RFTN1: variants seen among roughly 807,000 people sequenced by gnomAD.
RFTN1 encodes raftlin.
RFTN1 carries 26 observed loss-of-function variants against 46.5 expected under a neutral mutation model. The ratio of observed to expected loss-of-function variants is 0.56; its 90% CI spans 0.41 to 0.78. The LOEUF is 0.78. RFTN1 is among the 30% of genes least tolerant of loss of function. The pLI is 0.00. For missense variants in RFTN1, 693 were observed against 718.7 expected (o/e 0.96, Z 0.41); for synonymous variants, 261 against 284.2 (o/e 0.92, Z 0.82).
At chr3:16,482,307 A>T (rs1331009662) in intron 2 of RFTN1, among the ~76,000 whole-genome samples, 1 of 152,234 alleles carries the variant, frequency 6.6e-6, no homozygotes, top group Non-Finnish European at 1.5e-5. Context: ...GAGCTAAAGT[A>T]TATCAAGCTG....
rs150464131 is a variant in RFTN1, at chr3:16,390,987, C to G, written c.442-12885G>C. Among the ~76,000 whole-genome samples, 15 of 152,292 alleles carry G rather than the reference C, an allele frequency of 9.8e-5. No homozygotes were observed. The East Asian group carries it at 2.9e-3, about 29-fold the overall frequency. On this transcript the variant is annotated intron_variant, in intron 4 of 9. Transcript: ENST00000334133. ...CTGTACCCCCCATGACAACCTTTTT[C>G]TCTCTGAAGAATCTTTCTTTCTAAC...
In RFTN1 at chr3:16,336,597, T is replaced by C. The variant is rs1024045403; in HGVS notation, c.1147-9721A>G. On this transcript the variant is annotated intron_variant, in intron 7 of 9. Transcript: ENST00000334133. The surrounding 1 kb of genome is among the most constrained non-coding windows in gnomAD (Gnocchi z 6.0). ...CTGATATGTAATCAGGACAACATAA[T>C]AGAGTCTGAGAGAGCAGTCTTCTCA... Among the ~76,000 whole-genome samples, 14 of 152,226 alleles carry C rather than the reference T, an allele frequency of 9.2e-5. No individual in the cohort carries two copies. The highest frequency in any genetic ancestry group is 2.0e-4 in the Admixed American group (3 of 15,284).
intron 4 of RFTN1, among the ~76,000 whole-genome samples, chr3:16,379,743 A>T (rs2073918966): frequency 6.6e-6 from 1 of 152,254 alleles, no homozygotes; most frequent in Admixed American, 6.5e-5. Flanking sequence ...CATCTATTCC[A>T]TTCTGAAAAT....
At chr3:16,505,063 C>G (rs2115580) in intron 1 of RFTN1, among the ~76,000 whole-genome samples, 1 of 151,948 alleles carries the variant, frequency 6.6e-6, no homozygotes. Context: ...AATCTGCCAT[C>G]GCAACAGCTA....
rs745552603 is a variant in RFTN1, at chr3:16,383,069, C to G, written c.442-4967G>C. On this transcript the variant is annotated intron_variant, in intron 4 of 9. Transcript: ENST00000334133. This position sits in a 1 kb window ranked among gnomAD's most constrained non-coding sequence, Gnocchi z 4.0. The stretch of plus-strand genomic sequence containing the variant: ...CATTCCCTTAGGCCTCAAAATCATA[C>G]CTTACAGAAGAGAAAACTGCTTAAG... Among the ~76,000 whole-genome samples, 1 of 152,178 alleles carries G rather than the reference C, an allele frequency of 6.6e-6. No homozygotes were observed. Among genetic ancestry groups the G allele is most frequent in the Non-Finnish European group, 1.5e-5 (1 of 68,034 alleles).
At chr3:16,368,906 A>G (rs1365274100) in intron 6 of RFTN1, among the ~76,000 whole-genome samples, 1 of 152,202 alleles carries the variant, frequency 6.6e-6, no homozygotes, top group African/African-American at 2.4e-5. Flanking sequence ...CTCCATCATC[A>G]TGGGCACTTC....
At position 16,338,494 on chromosome 3, in the gene RFTN1, G is replaced by A. The variant is rs549450905; in HGVS notation, c.1147-11618C>T. On this transcript the variant is annotated intron_variant, in intron 7 of 9. Transcript: ENST00000334133. The surrounding 1 kb of genome is among the most constrained non-coding windows in gnomAD (Gnocchi z 5.3). ...ACAGGGCTCCTGTCCTCTAGAAGCTGACATCTTAAACACACATTGAGTGCT... is the reference window on the plus strand; with the variant it reads ...ACAGGGCTCCTGTCCTCTAGAAGCTAACATCTTAAACACACATTGAGTGCT... Among the ~76,000 whole-genome samples the A allele has an allele frequency of 6.6e-6, 1 of 152,354 alleles. No homozygotes were observed. The highest frequency in any genetic ancestry group is 2.4e-5 in the African/African-American group (1 of 41,588).
At chr3:16,417,895 A>G (rs1202400561) in intron 3 of RFTN1, among the ~76,000 whole-genome samples, 1 of 152,146 alleles carries the variant, frequency 6.6e-6, no homozygotes, top group Non-Finnish European at 1.5e-5. Flanking sequence ...TTTTATAGAG[A>G]CAGGGTTTTG....
chr3:16,323,640 C>G (rs2069342997), intron 8 of RFTN1, among the ~76,000 whole-genome samples, 183 bp from the exon 9 acceptor site: 1 of 152,206 alleles, frequency 6.6e-6, no homozygotes, highest in Non-Finnish European at 1.5e-5. Context: ...GAGGGGCTAT[C>G]TCAGATGCCC....
At chr3:16,432,079 C>G (rs770524835) in intron 3 of RFTN1, among the ~76,000 whole-genome samples, 1 of 152,192 alleles carries the variant, frequency 6.6e-6, no homozygotes, top group Non-Finnish European at 1.5e-5. Flanking sequence ...TGATAATGAT[C>G]AAGCCTCACA....
rs766381809 is a variant in RFTN1, at chr3:16,317,020, GTCC to G, written c.1542_1544del (p.Glu514del). 3.8e-5 allele frequency: 61 copies of G among 1,613,452 alleles called. No homozygotes were observed. Among genetic ancestry groups the G allele is most frequent in the Non-Finnish European group, 4.7e-5 (56 of 1,179,896 alleles). On this transcript the variant is annotated inframe_deletion, in exon 10 of 10. Coordinates refer to ENST00000334133, the MANE Select transcript of RFTN1 (RefSeq NM_015150.2). This position sits in a 1 kb window ranked among gnomAD's most constrained non-coding sequence, Gnocchi z 4.3. ...CACCAGGGGACAGCTGTTCTCCCTT[GTCC>G]TCTTGGACAGGGCCCTTCATCTCCT...
Position 16,374,196 on chromosome 3 carries a change from G to A in RFTN1, c.826+3522C>T, listed in dbSNP as rs2073648813. Among the ~76,000 whole-genome samples, 2 of 152,290 alleles carry A rather than the reference G, an allele frequency of 1.3e-5. No homozygotes were observed. Among genetic ancestry groups the A allele is most frequent in the East Asian group, 1.9e-4 (1 of 5,180 alleles). ...GTTCTGTGCCCAGAAGTGCTAAGTG[G>A]ATCCCCCAGAAATCACAAGCCAGTA... is the stretch of plus-strand genomic sequence containing the variant. On this transcript the variant is annotated intron_variant, in intron 5 of 9. Transcript: ENST00000334133. The surrounding 1 kb of genome is among the most constrained non-coding windows in gnomAD (Gnocchi z 5.4).
At position 16,338,864 on chromosome 3, in the gene RFTN1, C is replaced by T. The variant is rs1030627336; in HGVS notation, c.1147-11988G>A. Among the ~76,000 whole-genome samples, 1 of 152,170 alleles carries T rather than the reference C, an allele frequency of 6.6e-6. No homozygotes were observed. Among genetic ancestry groups the T allele is most frequent in the South Asian group, 2.1e-4 (1 of 4,836 alleles). On this transcript the variant is annotated intron_variant, in intron 7 of 9. Transcript: ENST00000334133. This position sits in a 1 kb window ranked among gnomAD's most constrained non-coding sequence, Gnocchi z 5.3. ...GGAGTTGGGGACCTGGGGAGAGAGC[C>T]AGTCTGTCTGCAGGAATTCTAGAAC...
chr3:16,318,492 C>A (rs1374775080), intron 9 of RFTN1, among the ~76,000 whole-genome samples: 1 of 152,098 alleles, frequency 6.6e-6, no homozygotes, highest in African/African-American at 2.4e-5. Flanking sequence ...CTAGGAAAAA[C>A]CAAAAATGTG....
rs1575081659 is a variant in RFTN1, at chr3:16,346,954, A to G, written c.1146+10978T>C. 6.6e-6 allele frequency among the ~76,000 whole-genome samples: 1 copy of G among 152,308 alleles called. No individual in the cohort carries two copies. Among genetic ancestry groups the G allele is most frequent in the Non-Finnish European group, 1.5e-5 (1 of 68,024 alleles). On this transcript the variant is annotated intron_variant, in intron 7 of 9. Transcript: ENST00000334133. This position sits in a 1 kb window ranked among gnomAD's most constrained non-coding sequence, Gnocchi z 4.4. ...CACCTTGCTCTAGACTTCCTGCTCA[A>G]TGAGATGAGATGAACACCCCTACGG...
In RFTN1 at chr3:16,450,796, C is replaced by G. The variant is rs1424841148; in HGVS notation, c.146-16759G>C. ...CTCTTTCTTTCTTTTTTTTTTCCAT[C>G]ATAAGAAAACAAAGCCAAAGAGATG... is the stretch of plus-strand genomic sequence containing the variant. On this transcript the variant is annotated intron_variant, in intron 2 of 9. Transcript: ENST00000334133. The surrounding 1 kb of genome is among the most constrained non-coding windows in gnomAD (Gnocchi z 4.6). Among the ~76,000 whole-genome samples, 1 of 150,868 alleles carries G rather than the reference C, an allele frequency of 6.6e-6. No individual in the cohort carries two copies. Among genetic ancestry groups the G allele is most frequent in the East Asian group, 1.9e-4 (1 of 5,172 alleles).
Position 16,440,687 on chromosome 3 carries a change from T to TGGG in RFTN1, c.146-6653_146-6651dup, listed in dbSNP as rs149011315. Among the ~76,000 whole-genome samples, 8 of 144,792 alleles carry TGGG rather than the reference T, an allele frequency of 5.5e-5. No individual in the cohort carries two copies. The highest frequency in any genetic ancestry group is 2.0e-4 in the African/African-American group (8 of 39,310). 95.0% of individuals were successfully genotyped at this position (144,792 alleles called of 152,430 possible). ...AAGGGGACAAGATGGTTACTGCTAATGGGGGGGGGGCCCAATGGTGCCAGA... is the reference window on the plus strand; with the variant it reads ...AAGGGGACAAGATGGTTACTGCTAATGGGGGGGGGGGGGCCCAATGGTGCCAGA... On this transcript the variant is annotated intron_variant, in intron 2 of 9. Transcript: ENST00000334133. This position sits in a 1 kb window ranked among gnomAD's most constrained non-coding sequence, Gnocchi z 4.6.
intron 3 of RFTN1, among the ~76,000 whole-genome samples, chr3:16,412,280 C>T (rs552372878): frequency 6.6e-6 from 1 of 152,172 alleles, no homozygotes; most frequent in African/African-American, 2.4e-5. Flanking sequence ...GATTATTACA[C>T]TGAAGAATGG....
At position 16,345,540 on chromosome 3, in the gene RFTN1, C is replaced by G. The variant is rs1433333180; in HGVS notation, c.1146+12392G>C. Reference sequence around the variant, plus strand: ...ACCATCCAGTCATTGAGGACCTGAACAGAACAAAGGGTGGAGGAAGGCTGA... The same window carrying G: ...ACCATCCAGTCATTGAGGACCTGAAGAGAACAAAGGGTGGAGGAAGGCTGA... On this transcript the variant is annotated intron_variant, in intron 7 of 9. Coordinates refer to ENST00000334133, the MANE Select transcript of RFTN1 (RefSeq NM_015150.2). The surrounding 1 kb of genome is among the most constrained non-coding windows in gnomAD (Gnocchi z 5.2). Among the ~76,000 whole-genome samples, 2 of 152,106 alleles carry G rather than the reference C, an allele frequency of 1.3e-5. No homozygotes were observed. Among genetic ancestry groups the G allele is most frequent in the Admixed American group, 6.5e-5 (1 of 15,276 alleles).
Sources: allele counts gnomAD v4.1 joint callset (sites outside exome capture counted in the v4.1 genomes callset), GRCh38; gene constraint gnomAD v4.1.1; non-coding constraint Gnocchi (gnomAD v3.1); transcripts MANE v1.5; gene names NCBI Gene and HGNC (gene_info 2026-07-23, HGNC 2026-07-21).